The following CSRP1 variants were observed in gnomAD, a reference collection of about 807,000 sequenced individuals.
CSRP1 encodes cysteine and glycine-rich protein 1.
Under a neutral mutation model 25.4 loss-of-function variants are expected in CSRP1, and 16 were observed. That is an observed-to-expected ratio of 0.63 (90% CI 0.43 to 0.96). The LOEUF (loss-of-function observed/expected upper bound fraction) is 0.96. Among genes scored for constraint, CSRP1 ranks in the 40% least tolerant of loss-of-function variants. CSRP1 has a pLI of 0.00. For synonymous variants in CSRP1, 97 were observed against 95.3 expected, an observed-to-expected ratio of 1.02 and a Z score of -0.10; for missense variants, 212 against 243.6, an observed-to-expected ratio of 0.87 and a Z score of 0.86.
At chr1:201,495,847 A>C in intron 2 of CSRP1, 1 of 211,822 alleles carries the variant, frequency 4.7e-6, no homozygotes, top group Non-Finnish European at 9.4e-6. Flanking sequence ...TTAGGGTGCA[A>C]AGGGCTGAAA....
intron 1 of CSRP1, among the ~76,000 whole-genome samples, chr1:201,496,779 G>A (rs1283464642): frequency 2.0e-5 from 3 of 152,190 alleles, no homozygotes; most frequent in Middle Eastern, 3.2e-3. Context: ...ACATATAGGT[G>A]GAAAAGTTAC....
intron 2 of CSRP1, chr1:201,492,933 C>G (rs1471036732): frequency 6.6e-6 from 1 of 152,336 alleles, no homozygotes; most frequent in Non-Finnish European, 1.5e-5. Flanking sequence ...GTGAGCTTCC[C>G]CTGTGCTCTT....
chr1:201,484,955 A>T (rs1664086874), intron 5 of CSRP1, among the ~76,000 whole-genome samples, 166 bp from the exon 6 acceptor site: 1 of 151,810 alleles, frequency 6.6e-6, no homozygotes, highest in South Asian at 2.1e-4. Context: ...TCAATAGTAA[A>T]ATAGCGAAGA....
chr1:201,503,113 C>T (rs911265042), intron 1 of CSRP1, among the ~76,000 whole-genome samples: 1 of 152,088 alleles, frequency 6.6e-6, no homozygotes, highest in Non-Finnish European at 1.5e-5. Flanking sequence ...CCACTGCACT[C>T]CAGCCTGGGG....
At chr1:201,498,189 T>C (rs1430388998) in intron 1 of CSRP1, among the ~76,000 whole-genome samples, 1 of 151,976 alleles carries the variant, frequency 6.6e-6, no homozygotes, top group Non-Finnish European at 1.5e-5. Flanking sequence ...CACTAGTGAG[T>C]GTGGAGAACA....
In CSRP1 at chr1:201,484,804, G is replaced by C. The variant is rs527738022; in HGVS notation, c.506-15C>G. 2 of 1,607,578 alleles carry C rather than the reference G, an allele frequency of 1.2e-6. No homozygotes were observed. Among genetic ancestry groups the C allele is most frequent in the Non-Finnish European group, 1.7e-6 (2 of 1,177,552 alleles). On this transcript the variant is annotated splice_polypyrimidine_tract_variant and intron_variant, in intron 5 of 5. Transcript: ENST00000340006. ...AGCATAACATCCTGCAGAGAGAGGAGAGAGATAAGGGCATGTTCTTCCTCC... is the reference window on the plus strand; with the variant it reads ...AGCATAACATCCTGCAGAGAGAGGACAGAGATAAGGGCATGTTCTTCCTCC...
At chr1:201,485,225 C>T (rs1664095200) in intron 5 of CSRP1, 58 bp downstream of exon 5, 1 of 1,495,168 alleles carries the variant, frequency 6.7e-7, no homozygotes, top group African/African-American at 1.4e-5. Flanking sequence ...GGCAAAACTA[C>T]TTAGCCCCCC....
At position 201,485,446 on chromosome 1, in the gene CSRP1, C is replaced by G. The variant is rs905296936; in HGVS notation, c.412-70G>C. 6.5e-5 allele frequency: 90 copies of G among 1,383,062 alleles called. No individual in the cohort carries two copies. In the African/African-American group the frequency reaches 1.2e-3, roughly 18 times the overall value. The allele number at this position is 1,383,062 out of a possible 1,614,324, so 85.7% of individuals were successfully genotyped here. On this transcript the variant is annotated intron_variant, in intron 4 of 5. Coordinates refer to ENST00000340006, the MANE Select transcript of CSRP1 (RefSeq NM_004078.3). ...GGTACCCTCCACCCCAGGCCCACTCCCTTTGACATAACCATGGTATAAGGG... is the reference window on the plus strand; with the variant it reads ...GGTACCCTCCACCCCAGGCCCACTCGCTTTGACATAACCATGGTATAAGGG...
intron 4 of CSRP1, chr1:201,485,698 GC>G (rs1664113585): frequency 2.9e-6 from 1 of 339,288 alleles, no homozygotes; most frequent in Non-Finnish European, 5.6e-6. Context: ...GGCCAGATGA[GC>G]CTTCTCCAGA....
intron 4 of CSRP1, chr1:201,486,566 C>T (rs1664150995): frequency 2.0e-6 from 2 of 990,492 alleles, no homozygotes; most frequent in African/African-American, 1.7e-5. Flanking sequence ...AATAGTCACC[C>T]AGCCTTTGCT....
intron 1 of CSRP1, among the ~76,000 whole-genome samples, chr1:201,503,356 T>C (rs1664720797): frequency 6.6e-6 from 1 of 152,164 alleles, no homozygotes; most frequent in African/African-American, 2.4e-5. Context: ...CTTTGATTAA[T>C]TTTTTACAAG....
intron 3 of CSRP1, 109 bp from the exon 4 acceptor site, chr1:201,489,093 T>C (rs1388412284): frequency 1.0e-5 from 15 of 1,430,808 alleles, no homozygotes; most frequent in South Asian, 1.3e-5. Flanking sequence ...CAGCGCGCAA[T>C]TCTCTCTGCC....
Position 201,483,648 on chromosome 1 carries a change from G to C in CSRP1, c.*1065C>G, listed in dbSNP as rs1664041890. 4.3e-6 allele frequency: 1 copy of C among 230,596 alleles called. No homozygotes were observed. Among genetic ancestry groups the C allele is most frequent in the African/African-American group, 2.2e-5 (1 of 46,024 alleles). 14.3% of individuals were successfully genotyped at this position (230,596 alleles called of 1,614,324 possible). ...TGTCCTTTCAGTTGCTGGGAGCGGT[G>C]AGGCCCAGCCCTTTCCCCTTCCTCC... is the stretch of plus-strand genomic sequence containing the variant. On this transcript the variant is annotated 3_prime_UTR_variant, in exon 6 of 6. Transcript: ENST00000340006.
At chr1:201,492,006 C>T (rs773240798) in intron 2 of CSRP1, 4 of 152,282 alleles carry the variant, frequency 2.6e-5, no homozygotes, top group Non-Finnish European at 5.9e-5. Context: ...TCTGGGCCAT[C>T]CAAATATGGA....
At chr1:201,498,795 A>C (rs896316536) in intron 1 of CSRP1, among the ~76,000 whole-genome samples, 2 of 152,204 alleles carry the variant, frequency 1.3e-5, no homozygotes, top group African/African-American at 4.8e-5. Flanking sequence ...CTGCATGGTG[A>C]ATCTCTGCAG....
intron 2 of CSRP1, 163 bp from the exon 3 acceptor site, chr1:201,490,507 G>A: frequency 3.1e-6 from 2 of 644,662 alleles, no homozygotes; most frequent in African/African-American, 3.6e-5. Context: ...ATGGCCAATG[G>A]GTGGGAGGAC....
intron 1 of CSRP1, among the ~76,000 whole-genome samples, chr1:201,497,045 T>C (rs1664535728): frequency 6.6e-6 from 1 of 151,296 alleles, no homozygotes; most frequent in Non-Finnish European, 1.5e-5. Context: ...GTTTTTTTTG[T>C]TTTGTTTTGT....
intron 5 of CSRP1, 122 bp downstream of exon 5, chr1:201,485,161 C>T (rs1011203433): frequency 9.3e-6 from 8 of 857,626 alleles, no homozygotes; most frequent in African/African-American, 1.7e-5. Context: ...AGGAATCATA[C>T]TAGATGTTCA....
At chr1:201,484,919 C>T in intron 5 of CSRP1, 130 bp from the exon 6 acceptor site, 1 of 736,432 alleles carries the variant, frequency 1.4e-6, no homozygotes. Flanking sequence ...CCACTGGTAC[C>T]CCCTCACCTC....
Sources: gnomAD v4.1 joint callset for allele counts (sites outside exome capture counted in the v4.1 genomes callset) on GRCh38, gnomAD v4.1.1 for gene constraint, MANE v1.5 for transcripts, NCBI Gene and HGNC (gene_info 2026-07-23, HGNC 2026-07-21) for gene names.